The following NSMAF variants were observed in gnomAD, a reference collection of about 807,000 sequenced individuals.
The protein encoded by NSMAF is neutral sphingomyelinase activation associated factor, also known as protein FAN.
In NSMAF, 90 loss-of-function variants were observed where a neutral mutation model predicts 134.9. That is an observed-to-expected ratio of 0.67 (90% CI 0.56 to 0.79). The LOEUF (loss-of-function observed/expected upper bound fraction) is 0.79, where lower values mean the gene tolerates loss of function less well. Ranked by LOEUF, NSMAF falls within the 30% of genes least tolerant of loss-of-function variation. The pLI is 0.00. For synonymous variants in NSMAF, 358 were observed against 389.6 expected (o/e 0.92, Z 0.96); for missense variants, 1,010 against 1,119.0 (o/e 0.90, Z 1.39).
intron 2 of NSMAF, among the ~76,000 whole-genome samples, chr8:58,636,286 A>T (rs1353431990): frequency 6.6e-6 from 1 of 152,234 alleles, no homozygotes; most frequent in Non-Finnish European, 1.5e-5. Context: ...AATTATTGAC[A>T]TCATATACTT....
chr8:58,652,691 C>G (rs1471796539), intron 1 of NSMAF, among the ~76,000 whole-genome samples: 3 of 152,222 alleles, frequency 2.0e-5, no homozygotes, highest in African/African-American at 7.2e-5. Context: ...GAGGTACCCC[C>G]CCAACACCCC....
chr8:58,659,309 G>T, intron 1 of NSMAF: 1 of 1,526,236 alleles, frequency 6.6e-7, no homozygotes, highest in Non-Finnish European at 8.8e-7. Flanking sequence ...AGCTCGGCAT[G>T]CCTCGGCTCC....
intron 9 of NSMAF, among the ~76,000 whole-genome samples, chr8:58,621,420 C>T (rs914751614): frequency 1.3e-5 from 2 of 152,002 alleles, no homozygotes; most frequent in Non-Finnish European, 1.5e-5. Flanking sequence ...GATAAGCCTA[C>T]GTGTGCATGT....
Position 58,601,542 on chromosome 8 carries a change from T to G in NSMAF, c.1126-7A>C. 4 of 1,237,540 alleles carry G rather than the reference T, an allele frequency of 3.2e-6. No homozygotes were observed. The highest frequency in any genetic ancestry group is 2.9e-5 in the East Asian group (1 of 34,118). 76.7% of individuals were successfully genotyped at this position (1,237,540 alleles called of 1,614,324 possible). ...GCATTTCCTGGTAGCGTGTCTAGAA[T>G]ACAGAAAAAAAAAAAAAATAGAGCT... On this transcript the variant is annotated splice_region_variant and splice_polypyrimidine_tract_variant and intron_variant, in intron 14 of 30. Transcript: ENST00000038176.
intron 9 of NSMAF, among the ~76,000 whole-genome samples, chr8:58,621,475 A>G (rs1806787526): frequency 6.6e-6 from 1 of 152,166 alleles, no homozygotes; most frequent in Admixed American, 6.5e-5. Context: ...TATATACGCA[A>G]TCATGGGACT....
intron 27 of NSMAF, 67 bp downstream of exon 27, chr8:58,587,550 AC>A: frequency 1.5e-6 from 2 of 1,348,984 alleles, no homozygotes; most frequent in Non-Finnish European, 2.1e-6. Context: ...AAAACCAAAA[AC>A]CTTCTTCCAG....
intron 9 of NSMAF, among the ~76,000 whole-genome samples, chr8:58,619,002 T>G (rs767527908): frequency 6.6e-6 from 1 of 152,168 alleles, no homozygotes; most frequent in African/African-American, 2.4e-5. Flanking sequence ...ATGAATGTCA[T>G]GCTGAAGCCC....
chr8:58,588,755 T>C lies in NSMAF; in HGVS notation c.2211+697A>G, dbSNP rs140792558. On this transcript the variant is annotated intron_variant, in intron 26 of 30. Coordinates refer to ENST00000038176, the MANE Select transcript of NSMAF (RefSeq NM_003580.4). The stretch of plus-strand genomic sequence containing the variant: ...TTGGCACGACCATTGTTCCTTCTTT[T>C]CTTTGTCATCTTGGAGGCACGGACC... The C allele has an allele frequency of 4.9e-3, 6,451 of 1,322,050 alleles. 219 individuals are homozygous for C. The African/African-American group carries it at 0.08, about 16-fold the overall frequency. The allele number at this position is 1,322,050 out of a possible 1,614,324, so 81.9% of individuals were successfully genotyped here. A position where few individuals can be genotyped will look rare whatever the true frequency, so the allele number is the denominator to read the frequency against.
chr8:58,653,305 G>C (rs1020078010), intron 1 of NSMAF, among the ~76,000 whole-genome samples: 2 of 151,848 alleles, frequency 1.3e-5, no homozygotes, highest in African/African-American at 4.8e-5. Flanking sequence ...CAAAATAAAA[G>C]AACAAAACTA....
chr8:58,590,829 C>A lies in NSMAF; in HGVS notation c.2019+38G>T, dbSNP rs746607525. The A allele has an allele frequency of 5.9e-6, 9 of 1,524,224 alleles. No homozygotes were observed. The South Asian group carries it at 8.0e-5, about 13-fold the overall frequency. The allele number at this position is 1,524,224 out of a possible 1,614,324, so 94.4% of individuals were successfully genotyped here. On this transcript the variant is annotated intron_variant, in intron 24 of 30. Coordinates refer to ENST00000038176, the MANE Select transcript of NSMAF (RefSeq NM_003580.4). ...TGGGTGTGTATAAAACAAACTACTA[C>A]ACGGATTTCTATCATAATACTATTA...
rs145930714 is a variant in NSMAF, at chr8:58,597,546, G to A, written c.1633C>T (p.Gln545Ter). Reference sequence around the variant, plus strand: ...ATGGCTACCTTCTCATCAGGATCCTGGATGCTTTGGGACAGAACACAAATA... The same window carrying A: ...ATGGCTACCTTCTCATCAGGATCCTAGATGCTTTGGGACAGAACACAAATA... ...YEGGVDLNSI[Q>*]DPDEKVAMLT... The change falls in exon 21 of 31, where the codon CAG becomes TAG. Residue 545 changes from glutamine to a stop codon, truncating the protein, a stop_gained. Coordinates refer to ENST00000038176, the MANE Select transcript of NSMAF (RefSeq NM_003580.4). LOFTEE classifies it high-confidence loss of function. 2.0e-5 allele frequency: 33 copies of A among 1,613,820 alleles called. No individual in the cohort carries two copies. Among genetic ancestry groups the A allele is most frequent in the Non-Finnish European group, 2.6e-5 (31 of 1,179,882 alleles).
chr8:58,607,917 GAA>G, intron 10 of NSMAF, 77 bp from the exon 11 acceptor site: 1 of 1,152,800 alleles, frequency 8.7e-7, no homozygotes, highest in Non-Finnish European at 1.3e-6. Context: ...TCAGAAAGGG[GAA>G]AAAAAAATCA....
intron 5 of NSMAF, among the ~76,000 whole-genome samples, chr8:58,633,811 C>CT (rs1306975083): frequency 1.3e-5 from 2 of 152,246 alleles, no homozygotes; most frequent in East Asian, 3.9e-4. Flanking sequence ...TGGTTGTATA[C>CT]TTGACACAGG....
chr8:58,599,179 TA>T, intron 19 of NSMAF, 52 bp downstream of exon 19: 1 of 1,526,732 alleles, frequency 6.5e-7, no homozygotes, highest in South Asian at 1.2e-5. Context: ...TGAAAATGAA[TA>T]ATGCTAAATA....
At chr8:58,597,332 TCA>T in intron 21 of NSMAF, 53 bp downstream of exon 21, 1 of 1,485,282 alleles carries the variant, frequency 6.7e-7, no homozygotes, top group Non-Finnish European at 9.3e-7. Flanking sequence ...AGAAACATTT[TCA>T]TCACAGAAGA....
At chr8:58,633,008 T>C (rs546605179) in intron 5 of NSMAF, among the ~76,000 whole-genome samples, 1 of 152,306 alleles carries the variant, frequency 6.6e-6, no homozygotes, top group East Asian at 1.9e-4. Flanking sequence ...TACACTTGGA[T>C]TCCTGGAACA....
chr8:58,589,010 G>T (rs951595618), intron 26 of NSMAF, among the ~76,000 whole-genome samples: 4 of 151,472 alleles, frequency 2.6e-5, no homozygotes, highest in Non-Finnish European at 5.9e-5. Flanking sequence ...CTAGGTAACA[G>T]AGCAAGACAC....
At chr8:58,634,598 G>C (rs1191578211) in intron 5 of NSMAF, among the ~76,000 whole-genome samples, 1 of 152,168 alleles carries the variant, frequency 6.6e-6, no homozygotes, top group Non-Finnish European at 1.5e-5. Context: ...ATGAAACCCA[G>C]AGCCAAAAGA....
At chr8:58,632,707 C>A (rs954520407) in intron 5 of NSMAF, among the ~76,000 whole-genome samples, 1 of 152,158 alleles carries the variant, frequency 6.6e-6, no homozygotes, top group Non-Finnish European at 1.5e-5. Flanking sequence ...TTCCAGCTCC[C>A]CAGTATGTCT....
Sources: allele counts gnomAD v4.1 joint callset (sites outside exome capture counted in the v4.1 genomes callset), GRCh38; gene constraint gnomAD v4.1.1; transcripts MANE v1.5; gene names NCBI Gene and HGNC (gene_info 2026-07-23, HGNC 2026-07-21).